The following PHLDB2 variants were observed in gnomAD, a reference collection of about 807,000 sequenced individuals.
The protein encoded by PHLDB2 is pleckstrin homology like domain family B member 2.
In PHLDB2, 71 loss-of-function variants were observed where a neutral mutation model predicts 123.6. That is an observed-to-expected ratio of 0.57 (90% CI 0.47 to 0.70). The LOEUF (loss-of-function observed/expected upper bound fraction) is 0.70. PHLDB2 is among the 30% of genes least tolerant of loss of function. PHLDB2 has a pLI of 0.00. For synonymous variants in PHLDB2, 547 were observed against 541.6 expected (o/e 1.01, Z -0.14); for missense variants, 1,446 against 1,519.5 (o/e 0.95, Z 0.80).
intron 1 of PHLDB2, among the ~76,000 whole-genome samples, chr3:111,810,849 A>T (rs1269553643): frequency 6.6e-5 from 10 of 152,228 alleles, no homozygotes; most frequent in Admixed American, 2.6e-4. Context: ...GATCCTCAGT[A>T]TATAATATAA....
At chr3:111,866,014 A>ATTTTTTCTTTTTTTTTTTTTTTTTTTTTT (rs2065053499) in intron 1 of PHLDB2, among the ~76,000 whole-genome samples, 1 of 57,430 alleles carries the variant, frequency 1.7e-5, no homozygotes, top group South Asian at 7.9e-4. Context: ...CCACCCACTC[A>ATTTTTTCTTTTTTTTTTTTTTTTTTTTTT]TTTTTTTTTT....
intron 1 of PHLDB2, among the ~76,000 whole-genome samples, chr3:111,814,045 C>A (rs978748731): frequency 6.6e-6 from 1 of 152,180 alleles, no homozygotes; most frequent in African/African-American, 2.4e-5. Flanking sequence ...AAGTCTCCTT[C>A]AAATACCCAA....
chr3:111,778,028 C>T (rs2060297566), intron 1 of PHLDB2, among the ~76,000 whole-genome samples: 1 of 152,030 alleles, frequency 6.6e-6, no homozygotes, highest in South Asian at 2.1e-4. Context: ...TCCGGATTTA[C>T]ATTTCATCGC....
rs540914298 is a variant in PHLDB2, at chr3:111,742,317, A to T, written c.-49+9614A>T. Among the ~76,000 whole-genome samples the T allele has an allele frequency of 5.8e-3, 883 of 152,034 alleles. 7 individuals are homozygous for T. Among genetic ancestry groups the T allele is most frequent in the African/African-American group, 0.02 (839 of 41,492 alleles). ...TTCCATTGTTCTTTTATATATATAT[A>T]TTTTTTATTATACTTTAAATTCTAG... On this transcript the variant is annotated intron_variant, in intron 1 of 17. Transcript: ENST00000393923.
At chr3:111,806,877 C>T (rs529210812) in intron 1 of PHLDB2, among the ~76,000 whole-genome samples, 1 of 151,852 alleles carries the variant, frequency 6.6e-6, no homozygotes, top group East Asian at 1.9e-4. Context: ...CTCAAGCACC[C>T]TTCCTGCCTT....
chr3:111,813,458 T>C (rs1227146140), intron 1 of PHLDB2, among the ~76,000 whole-genome samples: 1 of 152,198 alleles, frequency 6.6e-6, no homozygotes, highest in Non-Finnish European at 1.5e-5. Flanking sequence ...TTTTGTGGCT[T>C]AAGGCTAAAG....
intron 1 of PHLDB2, among the ~76,000 whole-genome samples, chr3:111,733,622 G>A (rs1941579439): frequency 6.6e-6 from 1 of 152,224 alleles, no homozygotes; most frequent in African/African-American, 2.4e-5. Context: ...CTATGGGGAA[G>A]AAGGAGATGA....
chr3:111,943,034 T>A (rs1054181775), intron 8 of PHLDB2, among the ~76,000 whole-genome samples: 6 of 152,016 alleles, frequency 3.9e-5, no homozygotes, highest in Admixed American at 3.9e-4. Flanking sequence ...TTATATAACA[T>A]AGTTACCACC....
At chr3:111,825,325 G>C (rs1236606397) in intron 1 of PHLDB2, among the ~76,000 whole-genome samples, 2 of 152,338 alleles carry the variant, frequency 1.3e-5, no homozygotes, top group South Asian at 2.1e-4. Flanking sequence ...TCCTTGGGGA[G>C]ACTGTAAGCT....
At chr3:111,855,721 G>A (rs755676757), upstream of PHLDB2, among the ~76,000 whole-genome samples, 3 of 134,174 alleles carry the variant, frequency 2.2e-5, no homozygotes, top group Non-Finnish European at 4.6e-5. Flanking sequence ...ACCCAGCCTC[G>A]AATTCTCAGG....
At chr3:111,789,526 A>T (rs1175715105) in intron 1 of PHLDB2, among the ~76,000 whole-genome samples, 1 of 152,254 alleles carries the variant, frequency 6.6e-6, no homozygotes, top group Admixed American at 6.5e-5. Flanking sequence ...CATGTACTAT[A>T]GTGAATGAGA....
intron 2 of PHLDB2, among the ~76,000 whole-genome samples, chr3:111,895,297 T>C (rs142645121): frequency 7.2e-5 from 11 of 152,230 alleles, no homozygotes; most frequent in Admixed American, 7.2e-4. Context: ...ATTAAAGAAT[T>C]TGAGAGATGT....
rs944189696 is a variant in PHLDB2 at position 111,932,315 on chromosome 3, A to C, written c.2048A>C (p.Gln683Pro). ...GAAAGGGAAAAACTAGAGAGGCTTC[A>C]GGAGCTTTACTCCGAGCAGAAGACC... The part of the protein sequence containing the change: ...DAEREKLERL[Q>P]ELYSEQKTQL... The change falls in exon 6 of 18, where the codon CAG (glutamine) becomes CCG (proline). Residue 683 changes from glutamine to proline, a missense_variant. Gln to Pro is a moderately conservative substitution (Grantham distance 76, BLOSUM62 -1). Coordinates refer to ENST00000431670, the MANE Select transcript of PHLDB2 (RefSeq NM_001134438.2). 68 of 1,551,534 alleles carry C rather than the reference A, an allele frequency of 4.4e-5. No individual in the cohort carries two copies. Among genetic ancestry groups the C allele is most frequent in the Non-Finnish European group, 5.8e-5 (67 of 1,146,816 alleles).
intron 2 of PHLDB2, among the ~76,000 whole-genome samples, chr3:111,850,988 G>A (rs2064224800): frequency 6.6e-6 from 1 of 151,880 alleles, no homozygotes; most frequent in Non-Finnish European, 1.5e-5. Context: ...GAGGTCAGGA[G>A]ATGGAGACCA....
chr3:111,859,895 G>A, intron 1 of PHLDB2: 1 of 985,740 alleles, frequency 1.0e-6, no homozygotes, highest in Non-Finnish European at 1.2e-6. Context: ...GGGCTCCGGG[G>A]ACACAGAGTT....
intron 1 of PHLDB2, among the ~76,000 whole-genome samples, chr3:111,753,586 C>T (rs1245946863): frequency 6.6e-6 from 1 of 152,080 alleles, no homozygotes; most frequent in Non-Finnish European, 1.5e-5. Context: ...AAACTTTCTC[C>T]CATTTTGTAG....
chr3:111,772,142 T>G (rs1347524966), intron 1 of PHLDB2, among the ~76,000 whole-genome samples: 1 of 152,162 alleles, frequency 6.6e-6, no homozygotes, highest in African/African-American at 2.4e-5. Context: ...TTACTTGAAC[T>G]GTGAACTTTC....
chr3:111,756,459 T>C (rs2059891359), intron 1 of PHLDB2, among the ~76,000 whole-genome samples: 1 of 152,238 alleles, frequency 6.6e-6, no homozygotes, highest in African/African-American at 2.4e-5. Flanking sequence ...TATCAGAGAC[T>C]AGGATTGCAA....
At chr3:111,938,327 T>G (rs1350600199) in intron 6 of PHLDB2, among the ~76,000 whole-genome samples, 1 of 152,200 alleles carries the variant, frequency 6.6e-6, no homozygotes, top group Non-Finnish European at 1.5e-5. Context: ...ACCAGAGCAG[T>G]ACAATTGTTA....
Sources: gnomAD v4.1 joint callset for allele counts (sites outside exome capture counted in the v4.1 genomes callset) on GRCh38, gnomAD v4.1.1 for gene constraint, MANE v1.5 for transcripts, NCBI Gene and HGNC (gene_info 2026-07-23, HGNC 2026-07-21) for gene names.